Variants in EOGT observed in about 807,000 individuals in gnomAD.
The protein encoded by EOGT is EGF domain specific O-linked N-acetylglucosamine transferase.
In EOGT, 55 loss-of-function variants were observed where a neutral mutation model predicts 70.5. The observed-to-expected ratio is 0.78, with a 90% confidence interval of 0.63 to 0.98. The LOEUF (loss-of-function observed/expected upper bound fraction) is 0.98, where lower values mean the gene tolerates loss of function less well. Ranked by LOEUF, EOGT falls within the 50% of genes least tolerant of loss-of-function variation. EOGT has a pLI of 0.00. For missense variants in EOGT, 703 were observed against 641.9 expected (o/e 1.10, Z -1.03); for synonymous variants, 246 against 217.1 (o/e 1.13, Z -1.17).
chr3:68,998,220 A>C (rs2107310821), intron 9 of EOGT, 106 bp from the exon 10 acceptor site: 1 of 661,880 alleles, frequency 1.5e-6, no homozygotes, highest in East Asian at 2.9e-5. Context: ...TTTAGTTTAA[A>C]TAAATGGGGA....
chr3:69,003,347 T>C (rs1305493367), intron 8 of EOGT, among the ~76,000 whole-genome samples: 1 of 152,202 alleles, frequency 6.6e-6, no homozygotes, highest in Non-Finnish European at 1.5e-5. Flanking sequence ...CACCCAGATC[T>C]CATCTTGAAT....
At chr3:69,009,919 AAC>A in intron 3 of EOGT, 59 bp from the exon 4 acceptor site, 58 of 606,442 alleles carry the variant, frequency 9.6e-5, no homozygotes, top group Admixed American at 1.5e-4. Flanking sequence ...CCAAAACAAC[AAC>A]AACAACAACA....
chr3:68,988,764 T>C, intron 11 of EOGT, 161 bp downstream of exon 11: 1 of 638,984 alleles, frequency 1.6e-6, no homozygotes, highest in Non-Finnish European at 2.6e-6. Context: ...TTTCAAAGGC[T>C]GCATGATTAA....
At chr3:68,991,503 T>A (rs767844372) in intron 10 of EOGT, among the ~76,000 whole-genome samples, 4 of 152,196 alleles carry the variant, frequency 2.6e-5, no homozygotes, top group Non-Finnish European at 5.9e-5. Context: ...ATACATGCAC[T>A]GATGCATGCA....
At chr3:68,987,118 T>A (rs1045360212) in intron 14 of EOGT, among the ~76,000 whole-genome samples, 1 of 152,244 alleles carries the variant, frequency 6.6e-6, no homozygotes, top group African/African-American at 2.4e-5. Context: ...ATCTGTTGCA[T>A]CAACTATGCA....
Position 68,991,199 on chromosome 3 carries a change from C to T in EOGT, c.832-2182G>A, listed in dbSNP as rs564919662. On this transcript the variant is annotated intron_variant, in intron 10 of 17. Coordinates refer to ENST00000383701, the MANE Select transcript of EOGT (RefSeq NM_001278689.2). ...AGCTTCTTTTCCATGTTTCCCAAGT[C>T]CAAATTATCCACCATTTGGGAAGGA... Among the ~76,000 whole-genome samples the T allele has an allele frequency of 2.0e-5, 3 of 152,294 alleles. No individual in the cohort carries two copies. The South Asian group carries it at 6.2e-4, about 32-fold the overall frequency.
chr3:68,994,943 T>G (rs926593904), intron 10 of EOGT, among the ~76,000 whole-genome samples: 2 of 152,236 alleles, frequency 1.3e-5, no homozygotes, highest in African/African-American at 2.4e-5. Context: ...GGTCCCTCTA[T>G]GCATGTTTGC....
chr3:68,987,468 G>A lies in EOGT; in HGVS notation c.1129C>T (p.Arg377Trp), dbSNP rs377612780. 47 of 1,613,276 alleles carry A rather than the reference G, an allele frequency of 2.9e-5. 1 individual carries two copies. The highest frequency in any genetic ancestry group is 2.4e-4 in the African/African-American group (18 of 74,818). Residue 377 changes from arginine to tryptophan, a missense_variant, in exon 14 of 18, where the codon CGG (arginine) becomes TGG (tryptophan). Coordinates refer to ENST00000383701, the MANE Select transcript of EOGT (RefSeq NM_001278689.2). ...VTILARSTEY[R>W]KILNQNELVN... is the part of the protein sequence containing the mutation. ...ACCTCATTTTGGTTAAGGATTTTCC[G>A]GTATTCTGTGCTCCGTGCAAGAATG...
At chr3:69,009,580 G>A in intron 4 of EOGT, 57 bp downstream of exon 4, 1 of 1,405,940 alleles carries the variant, frequency 7.1e-7, no homozygotes, top group Non-Finnish European at 1.0e-6. Flanking sequence ...AGCAGAACCT[G>A]TAAGCCAGCT....
intron 10 of EOGT, among the ~76,000 whole-genome samples, chr3:68,997,573 T>C (rs537453278): frequency 6.6e-6 from 1 of 152,290 alleles, no homozygotes; most frequent in African/African-American, 2.4e-5. Flanking sequence ...TTCACCATGT[T>C]GGCCAGGCTA....
At chr3:68,998,496 CA>C (rs1575757086) in intron 9 of EOGT, among the ~76,000 whole-genome samples, 1 of 152,096 alleles carries the variant, frequency 6.6e-6, no homozygotes, top group East Asian at 1.9e-4. Context: ...TTTTTTTAAT[CA>C]GGGGTGGGGT....
intron 9 of EOGT, among the ~76,000 whole-genome samples, chr3:68,999,551 G>C (rs1295260747): frequency 6.6e-6 from 1 of 152,110 alleles, no homozygotes; most frequent in Non-Finnish European, 1.5e-5. Context: ...TAATAACATT[G>C]TGTGCCAGAA....
chr3:68,978,528 T>C (rs1275154399), intron 16 of EOGT, 93 bp from the exon 17 acceptor site: 18 of 755,078 alleles, frequency 2.4e-5, no homozygotes, highest in African/African-American at 7.2e-5. Context: ...CTCCCAAATA[T>C]GTCCTTGCAA....
At chr3:68,984,851 TG>T (rs1468053778) in intron 14 of EOGT, among the ~76,000 whole-genome samples, 1 of 152,158 alleles carries the variant, frequency 6.6e-6, no homozygotes, top group African/African-American at 2.4e-5. Flanking sequence ...CCTGATGGAC[TG>T]GGGCCAGAGG....
Position 69,009,663 on chromosome 3 carries a change from T to C in EOGT, c.184A>G (p.Arg62Gly), listed in dbSNP as rs1210929508. 1.2e-6 allele frequency: 2 copies of C among 1,613,764 alleles called. No individual in the cohort carries two copies. The highest frequency in any genetic ancestry group is 2.7e-5 in the African/African-American group (2 of 74,908). ...HNNRHIATVC[R>G]KDSLCPYKKH... ...TTATATGGACAAAGAGAGTCTTTCCTACAGACAGTGGCAATATGCCTATTG... is the reference window on the plus strand; with the variant it reads ...TTATATGGACAAAGAGAGTCTTTCCCACAGACAGTGGCAATATGCCTATTG... Residue 62 changes from arginine (R) to glycine (G), a missense_variant, in exon 4 of 18, where the codon AGG becomes GGG. By Grantham distance (125) the Arg-to-Gly change is moderately radical. Coordinates refer to ENST00000383701, the MANE Select transcript of EOGT (RefSeq NM_001278689.2).
chr3:68,991,154 G>A (rs2090983309), intron 10 of EOGT, among the ~76,000 whole-genome samples: 1 of 152,200 alleles, frequency 6.6e-6, no homozygotes. Flanking sequence ...ATACATTATT[G>A]AATAAGAACC....
At chr3:69,006,905 C>A (rs975963689) in intron 6 of EOGT, among the ~76,000 whole-genome samples, 3 of 152,176 alleles carry the variant, frequency 2.0e-5, no homozygotes, top group Non-Finnish European at 4.4e-5. Flanking sequence ...CCTCTGAGGA[C>A]CCTGTTTTCC....
At chr3:69,001,273 A>G (rs1445787958) in intron 9 of EOGT, among the ~76,000 whole-genome samples, 1 of 152,050 alleles carries the variant, frequency 6.6e-6, no homozygotes, top group Non-Finnish European at 1.5e-5. Flanking sequence ...TTTGATTTTA[A>G]ACATCTTAAT....
intron 6 of EOGT, among the ~76,000 whole-genome samples, chr3:69,006,630 A>G (rs2091445103): frequency 1.3e-5 from 2 of 152,318 alleles, no homozygotes; most frequent in East Asian, 3.9e-4. Flanking sequence ...ACCATATGCT[A>G]CATAATGGGC....
Sources: allele counts gnomAD v4.1 joint callset (sites outside exome capture counted in the v4.1 genomes callset), GRCh38; gene constraint gnomAD v4.1.1; transcripts MANE v1.5; gene names NCBI Gene and HGNC (gene_info 2026-07-23, HGNC 2026-07-21).